DLGAP2: variants seen among roughly 807,000 people sequenced by gnomAD.
DLGAP2 encodes disks large-associated protein 2.
Under a neutral mutation model 100.3 loss-of-function variants are expected in DLGAP2, and 26 were observed. The ratio of observed to expected loss-of-function variants is 0.26; its 90% confidence interval spans 0.19 to 0.36. The LOEUF (loss-of-function observed/expected upper bound fraction) is 0.36. DLGAP2 is among the 10% of genes least tolerant of loss of function. The probability of loss-of-function intolerance (pLI) is 1.00; values close to 1 mark genes in which losing one functional copy is unlikely to be tolerated. For synonymous variants in DLGAP2, 886 were observed against 630.1 expected (o/e 1.41, Z -6.08); for missense variants, 1,858 against 1,453.2 (o/e 1.28, Z -4.53).
intron 3 of DLGAP2, among the ~76,000 whole-genome samples, chr8:1,460,078 G>A (rs984819993): frequency 6.6e-6 from 1 of 152,334 alleles, no homozygotes; most frequent in East Asian, 1.9e-4. Context: ...TCAAGAACAC[G>A]TGCAGCGTGA....
chr8:1,186,196 G>A (rs1797499609), intron 2 of DLGAP2, among the ~76,000 whole-genome samples: 1 of 152,230 alleles, frequency 6.6e-6, no homozygotes, highest in Admixed American at 6.5e-5. Flanking sequence ...TGGGTCGGTG[G>A]CACCGAGGGC....
chr8:849,398 C>G (rs948555773), intron 1 of DLGAP2, among the ~76,000 whole-genome samples: 1 of 152,242 alleles, frequency 6.6e-6, no homozygotes, highest in South Asian at 2.1e-4. Context: ...GAATGAACTA[C>G]TGTAAATACT....
intron 1 of DLGAP2, among the ~76,000 whole-genome samples, chr8:896,260 A>G (rs934173871): frequency 1.3e-5 from 2 of 151,446 alleles, no homozygotes; most frequent in African/African-American, 2.4e-5. Context: ...AGAGGTGTCA[A>G]TCTCCAGGGT....
intron 2 of DLGAP2, among the ~76,000 whole-genome samples, chr8:1,195,099 C>A (rs1797723110): frequency 1.3e-5 from 2 of 152,266 alleles, no homozygotes; most frequent in African/African-American, 4.8e-5. Context: ...CCCCCGGCAT[C>A]CTCATGGCTG....
chr8:1,201,982 C>CTG (rs201355978), intron 2 of DLGAP2, among the ~76,000 whole-genome samples: 30,390 of 151,458 alleles, frequency 0.2, 3,004 homozygotes, highest in Admixed American at 0.23. Context: ...ATCTGTGTAT[C>CTG]TGTGTATATG....
intron 3 of DLGAP2, chr8:1,373,667 T>C (rs1200139785): frequency 6.6e-6 from 1 of 152,220 alleles, no homozygotes; most frequent in Non-Finnish European, 1.5e-5. Context: ...ATCAGTGAAG[T>C]CCTTCCACAT....
chr8:1,526,704 C>T (rs944918123), intron 4 of DLGAP2, among the ~76,000 whole-genome samples: 3 of 152,134 alleles, frequency 2.0e-5, no homozygotes, highest in Admixed American at 2.0e-4. Flanking sequence ...AGGAGGTTGC[C>T]AGGTATCCAG....
intron 2 of DLGAP2, among the ~76,000 whole-genome samples, chr8:1,053,397 G>A (rs1252464954): frequency 1.3e-5 from 2 of 152,144 alleles, no homozygotes; most frequent in African/African-American, 4.8e-5. Context: ...CCTTGGAAGG[G>A]AAGGAGCTTG....
chr8:1,630,993 CG>C (rs1371457898), intron 7 of DLGAP2, among the ~76,000 whole-genome samples: 2 of 148,114 alleles, frequency 1.4e-5, no homozygotes, highest in South Asian at 2.2e-4. Flanking sequence ...CCGGGTGTCC[CG>C]AGGGTCTCGG....
chr8:1,526,364 G>A (rs1800792611), intron 4 of DLGAP2, among the ~76,000 whole-genome samples: 1 of 152,018 alleles, frequency 6.6e-6, no homozygotes, highest in Non-Finnish European at 1.5e-5. Context: ...ACTCACAGGG[G>A]AGGAATTGGG....
At chr8:1,475,523 C>T (rs901618797) in intron 3 of DLGAP2, among the ~76,000 whole-genome samples, 1 of 152,166 alleles carries the variant, frequency 6.6e-6, no homozygotes, top group African/African-American at 2.4e-5. Context: ...CTGATTGTTG[C>T]AGGCTGTTTC....
chr8:1,078,854 CT>C (rs1257599181), intron 2 of DLGAP2, among the ~76,000 whole-genome samples: 1 of 152,184 alleles, frequency 6.6e-6, no homozygotes, highest in Admixed American at 6.5e-5. Context: ...AGAAATAAAG[CT>C]ACTGTAAACA....
At chr8:1,408,006 G>A (rs778448350) in intron 3 of DLGAP2, among the ~76,000 whole-genome samples, 12 of 152,204 alleles carry the variant, frequency 7.9e-5, no homozygotes, top group Non-Finnish European at 1.5e-4. Flanking sequence ...TAACAGCATC[G>A]CTGGACTCAG....
intron 1 of DLGAP2, among the ~76,000 whole-genome samples, chr8:811,952 C>T (rs1380089422): frequency 6.6e-6 from 1 of 152,234 alleles, no homozygotes; most frequent in Non-Finnish European, 1.5e-5. Flanking sequence ...CCTTGACTCT[C>T]CGTCAAACAC....
In DLGAP2 at chr8:898,399, G is replaced by A. The variant is rs535307499; in HGVS notation, c.19-9513G>A. On this transcript the variant is annotated intron_variant, in intron 1 of 14. Transcript: ENST00000637795. ...CACCCTGGCGTGGTCCCTGGAAGGCGGTCATTGGCCGGGGCAGCGATGTTT... is the reference window on the plus strand; with the variant it reads ...CACCCTGGCGTGGTCCCTGGAAGGCAGTCATTGGCCGGGGCAGCGATGTTT... Among the ~76,000 whole-genome samples the A allele has an allele frequency of 3.3e-5, 5 of 152,174 alleles. No homozygotes were observed. The South Asian group carries it at 6.2e-4, about 19-fold the overall frequency.
Position 1,227,153 on chromosome 8 carries a change from G to GATAGATATATATATATATATATATAT in DLGAP2, c.74-31695_74-31694insGATATATATATATATATATATATATA, listed in dbSNP as rs796173465. Among the ~76,000 whole-genome samples, 864 of 89,492 alleles carry GATAGATATATATATATATATATATAT rather than the reference G, an allele frequency of 9.7e-3. 24 individuals are homozygous for GATAGATATATATATATATATATATAT. Among genetic ancestry groups the GATAGATATATATATATATATATATAT allele is most frequent in the East Asian group, 0.016 (37 of 2,286 alleles). The allele number at this position is 89,492 out of a possible 152,430, so 58.7% of individuals were successfully genotyped here. On this transcript the variant is annotated intron_variant, in intron 2 of 14. Transcript: ENST00000637795. ...AAATGAATGGGTAAGGAAACTGTGA[G>GATAGATATATATATATATATATATAT]ATATATATATATATATATATAGTAT...
chr8:1,464,333 G>GACAA (rs1563164925), intron 3 of DLGAP2, among the ~76,000 whole-genome samples: 1 of 38,550 alleles, frequency 2.6e-5, no homozygotes, highest in African/African-American at 1.3e-4. Context: ...TTCCAGGACG[G>GACAA]CACCCTTCCA....
intron 11 of DLGAP2, among the ~76,000 whole-genome samples, chr8:1,677,966 A>G (rs1235014064): frequency 6.6e-6 from 1 of 152,256 alleles, no homozygotes; most frequent in Non-Finnish European, 1.5e-5. Context: ...ATCATTCAAT[A>G]AACTTAAATC....
At chr8:1,157,808 G>A (rs1401309209) in intron 2 of DLGAP2, among the ~76,000 whole-genome samples, 1 of 152,216 alleles carries the variant, frequency 6.6e-6, no homozygotes, top group Non-Finnish European at 1.5e-5. Flanking sequence ...TGGGATCGGA[G>A]GGAGGCGATG....
Sources: gnomAD v4.1 joint callset for allele counts (sites outside exome capture counted in the v4.1 genomes callset) on GRCh38, gnomAD v4.1.1 for gene constraint, MANE v1.5 for transcripts, NCBI Gene and HGNC (gene_info 2026-07-23, HGNC 2026-07-21) for gene names.